Variants in SAMD5 observed in about 807,000 individuals in gnomAD.
SAMD5 encodes sterile alpha motif domain containing 5.
A neutral mutation model predicts 11.3 loss-of-function variants in SAMD5; 13 were observed. That is an observed-to-expected ratio of 1.15 (90% CI 0.75 to 1.83). The LOEUF (loss-of-function observed/expected upper bound fraction) is 1.83, where lower values mean the gene tolerates loss of function less well. SAMD5 is among the 40% of genes most tolerant of loss of function. The pLI is 0.00. For synonymous variants in SAMD5, 129 were observed against 111.3 expected, an observed-to-expected ratio of 1.16 and a Z score of -1.00; for missense variants, 255 against 239.1, an observed-to-expected ratio of 1.07 and a Z score of -0.44.
intron 1 of SAMD5, among the ~76,000 whole-genome samples, chr6:147,684,659 C>T (rs568953816): frequency 3.3e-5 from 5 of 152,274 alleles, no homozygotes; most frequent in South Asian, 2.1e-4. Flanking sequence ...TCCTGGAATG[C>T]GTGCTGTGGT....
At chr6:147,557,419 C>T (rs897089260) in intron 1 of SAMD5, among the ~76,000 whole-genome samples, 6 of 152,176 alleles carry the variant, frequency 3.9e-5, no homozygotes, top group Non-Finnish European at 7.3e-5. Context: ...CTGAAATCAA[C>T]GTGTCAGCAA....
chr6:147,743,521 G>T, the SAMD5 span, among the ~76,000 whole-genome samples: 1 of 151,248 alleles, frequency 6.6e-6, no homozygotes. Context: ...AAAAAAAGTT[G>T]TAACTACTCC....
At chr6:147,854,444 G>A in the SAMD5 span, among the ~76,000 whole-genome samples, 2 of 152,266 alleles carry the variant, frequency 1.3e-5, no homozygotes, top group African/African-American at 4.8e-5. Context: ...AAAAACCTGC[G>A]AAGTGGAGGA....
downstream of SAMD5, among the ~76,000 whole-genome samples, chr6:147,574,545 A>G (rs1789189126): frequency 6.6e-6 from 1 of 152,232 alleles, no homozygotes; most frequent in Non-Finnish European, 1.5e-5. Flanking sequence ...AGACCAGATG[A>G]AAATGGTGTC....
Position 147,565,113 on chromosome 6 carries a change from T to C in SAMD5, c.*657T>C. 1 of 985,096 alleles carries C rather than the reference T, an allele frequency of 1.0e-6. No individual in the cohort carries two copies. The highest frequency in any genetic ancestry group is 1.2e-6 in the Non-Finnish European group (1 of 829,574). The allele number at this position is 985,096 out of a possible 1,614,324, so 61.0% of individuals were successfully genotyped here. ...TTTCTTCTAACTTCTCTTTTTAAAT[T>C]TAATCTGGCTGAGGTTTAGTATTAG... On this transcript the variant is annotated 3_prime_UTR_variant, in exon 2 of 2. Coordinates refer to ENST00000367474, the MANE Select transcript of SAMD5 (RefSeq NM_001030060.3).
the SAMD5 span, among the ~76,000 whole-genome samples, chr6:147,825,428 T>C: frequency 6.6e-6 from 1 of 152,250 alleles, no homozygotes; most frequent in Non-Finnish European, 1.5e-5. Context: ...TCTGGATTAT[T>C]TGTAAAAGAT....
In SAMD5 at chr6:147,672,305, T is replaced by G. The variant is rs1370574327; in HGVS notation, c.163-65012T>G. ...GTATACTTTGATTAATTTTAGCATA[T>G]GTTCAGTGGATGTTCTTGGATTGAG... On this transcript the variant is annotated intron_variant, in intron 1 of 1. Coordinates refer to the SAMD5 transcript ENST00000566741. 2.6e-5 allele frequency among the ~76,000 whole-genome samples: 4 copies of G among 152,294 alleles called. No individual in the cohort carries two copies. The East Asian group carries it at 7.7e-4, about 29-fold the overall frequency.
At chr6:147,949,115 A>C in the SAMD5 span, among the ~76,000 whole-genome samples, 44 of 152,348 alleles carry the variant, frequency 2.9e-4, no homozygotes, top group East Asian at 6.6e-3. Flanking sequence ...GCTTAACAAC[A>C]GGCTGAATAG....
chr6:147,912,688 G>A, the SAMD5 span, among the ~76,000 whole-genome samples: 1 of 152,156 alleles, frequency 6.6e-6, no homozygotes, highest in Non-Finnish European at 1.5e-5. Flanking sequence ...AGCATAGAGA[G>A]TGATTGAATG....
At chr6:147,901,710 A>G in the SAMD5 span, among the ~76,000 whole-genome samples, 2 of 152,212 alleles carry the variant, frequency 1.3e-5, no homozygotes, top group Admixed American at 6.5e-5. Context: ...TTCGATAGGT[A>G]TAATCACTTA....
At chr6:147,777,508 T>C in the SAMD5 span, among the ~76,000 whole-genome samples, 1 of 152,142 alleles carries the variant, frequency 6.6e-6, no homozygotes, top group African/African-American at 2.4e-5. Context: ...CTCTCTTTTT[T>C]AAAAAAGTTG....
chr6:147,823,018 C>T, the SAMD5 span, among the ~76,000 whole-genome samples: 51 of 152,122 alleles, frequency 3.4e-4, no homozygotes, highest in Middle Eastern at 6.8e-3. Flanking sequence ...GGTTTTACCA[C>T]GTTGGCCAGG....
chr6:147,914,411 G>A, the SAMD5 span, among the ~76,000 whole-genome samples: 4 of 152,102 alleles, frequency 2.6e-5, no homozygotes, highest in Non-Finnish European at 5.9e-5. Flanking sequence ...GACCAGAGCT[G>A]GGACAATTTG....
At chr6:147,888,103 G>C in the SAMD5 span, among the ~76,000 whole-genome samples, 2 of 152,052 alleles carry the variant, frequency 1.3e-5, no homozygotes, top group Non-Finnish European at 2.9e-5. Flanking sequence ...TCTGAGAGTT[G>C]TCTTTTTATT....
At chr6:147,767,274 A>C in the SAMD5 span, among the ~76,000 whole-genome samples, 3 of 149,824 alleles carry the variant, frequency 2.0e-5, no homozygotes, top group African/African-American at 7.7e-5. Context: ...GGAAGAAGGA[A>C]GCAGGATAGG....
At chr6:147,888,577 T>C in the SAMD5 span, among the ~76,000 whole-genome samples, 2 of 83,490 alleles carry the variant, frequency 2.4e-5, no homozygotes, top group Non-Finnish European at 4.4e-5. Flanking sequence ...CCTTTTTCTC[T>C]GGCTGCTTTT....
chr6:147,531,155 GTTT>G (rs59924294), intron 1 of SAMD5, among the ~76,000 whole-genome samples: 86,959 of 143,898 alleles, frequency 0.6, 26,001 homozygotes, highest in East Asian at 0.74. Context: ...AGTCTTAAAA[GTTT>G]TTTTTTTTTT....
the SAMD5 span, among the ~76,000 whole-genome samples, chr6:147,814,699 A>G: frequency 6.6e-6 from 1 of 152,224 alleles, no homozygotes; most frequent in East Asian, 1.9e-4. Flanking sequence ...CAAAATATTT[A>G]CAGCCTTTTA....
intron 1 of SAMD5, among the ~76,000 whole-genome samples, chr6:147,617,533 T>C (rs921049089): frequency 6.6e-6 from 1 of 152,238 alleles, no homozygotes; most frequent in East Asian, 1.9e-4. Flanking sequence ...ATGGAATTGC[T>C]CCACAGTGCT....
Sources: allele counts gnomAD v4.1 joint callset (sites outside exome capture counted in the v4.1 genomes callset), GRCh38; gene constraint gnomAD v4.1.1; transcripts MANE v1.5; gene names NCBI Gene and HGNC (gene_info 2026-07-23, HGNC 2026-07-21).